Variants in CLEC4A observed in about 807,000 individuals in gnomAD.
CLEC4A encodes the protein C-type (calcium dependent, carbohydrate-recognition domain) lectin, superfamily member 6.
Under a neutral mutation model 32.7 loss-of-function variants are expected in CLEC4A, and 27 were observed. The ratio of observed to expected loss-of-function variants is 0.83; its 90% CI spans 0.61 to 1.14. The LOEUF (loss-of-function observed/expected upper bound fraction) is 1.14, where lower values mean the gene tolerates loss of function less well. Ranked by LOEUF, CLEC4A falls within the 50% of genes most tolerant of loss-of-function variation. CLEC4A has a pLI of 0.00. For missense variants in CLEC4A, 253 were observed against 274.6 expected (o/e 0.92, Z 0.55); for synonymous variants, 89 against 93.7 (o/e 0.95, Z 0.29).
the CLEC4A span, among the ~76,000 whole-genome samples, chr12:8,110,903 T>G: frequency 2.0e-4 from 31 of 151,928 alleles, no homozygotes; most frequent in African/African-American, 6.3e-4. Flanking sequence ...AGACGGAGTC[T>G]CGCTCTGTCG....
At chr12:8,128,721 G>C (rs901657042) in intron 2 of CLEC4A, among the ~76,000 whole-genome samples, 1 of 152,172 alleles carries the variant, frequency 6.6e-6, no homozygotes, top group African/African-American at 2.4e-5. Context: ...TAGAGGGAGA[G>C]GTGGGTTAGT....
At chr12:8,130,879 G>A (rs986196456) in intron 3 of CLEC4A, among the ~76,000 whole-genome samples, 1 of 152,034 alleles carries the variant, frequency 6.6e-6, no homozygotes, top group African/African-American at 2.4e-5. Context: ...GGTTTCCTTA[G>A]TGTTCACCTC....
rs1373913419 is a variant in CLEC4A at position 8,134,992 on chromosome 12, TTTTA to T, written c.299-592_299-589del. 2.2e-3 allele frequency: 587 copies of T among 267,946 alleles called. 26 individuals are homozygous for T. Among genetic ancestry groups the T allele is most frequent in the Non-Finnish European group, 2.7e-3 (456 of 167,140 alleles). The allele number at this position is 267,946 out of a possible 1,614,324, so 16.6% of individuals were successfully genotyped here. On this transcript the variant is annotated intron_variant, in intron 3 of 5. Coordinates refer to ENST00000229332, the MANE Select transcript of CLEC4A (RefSeq NM_016184.4). Reference sequence around the variant, plus strand: ...TGAAGCGTTTTTGTTTTTTGTTTTTTTTTAATCATGGCTGCTTTTAAATCTTTGT... The same window carrying T: ...TGAAGCGTTTTTGTTTTTTGTTTTTTATCATGGCTGCTTTTAAATCTTTGT...
At chr12:8,107,404 A>C in the CLEC4A span, among the ~76,000 whole-genome samples, 1 of 152,138 alleles carries the variant, frequency 6.6e-6, no homozygotes, top group Admixed American at 6.5e-5. Flanking sequence ...GTTAGCGATG[A>C]GTCCTTCCTC....
chr12:8,111,176 AT>A, the CLEC4A span, among the ~76,000 whole-genome samples: 1 of 103,724 alleles, frequency 9.6e-6, no homozygotes, highest in Non-Finnish European at 1.9e-5. Context: ...CTGGCCCAAC[AT>A]CTTTTTTTTT....
At chr12:8,118,338 C>T in the CLEC4A span, among the ~76,000 whole-genome samples, 1 of 151,700 alleles carries the variant, frequency 6.6e-6, no homozygotes, top group African/African-American at 2.4e-5. Context: ...GAATGAATTA[C>T]TGATTGCTGT....
the CLEC4A span, among the ~76,000 whole-genome samples, chr12:8,115,969 T>G: frequency 4.0e-5 from 6 of 151,844 alleles, no homozygotes; most frequent in Non-Finnish European, 7.4e-5. Context: ...TTAATCTATA[T>G]ATATATTTTT....
chr12:8,138,076 C>CT, intron 5 of CLEC4A, 64 bp from the exon 6 acceptor site: 2 of 1,543,724 alleles, frequency 1.3e-6, no homozygotes, highest in Non-Finnish European at 1.8e-6. Context: ...CTCCTCACCC[C>CT]TGTCTCTAAC....
the CLEC4A span, among the ~76,000 whole-genome samples, chr12:8,110,644 T>C: frequency 6.6e-6 from 1 of 152,228 alleles, no homozygotes; most frequent in Non-Finnish European, 1.5e-5. Flanking sequence ...TCTCCCATTG[T>C]ATTGAAATTA....
At chr12:8,126,722 T>C (rs1407999814) in intron 2 of CLEC4A, among the ~76,000 whole-genome samples, 5 of 152,124 alleles carry the variant, frequency 3.3e-5, no homozygotes, top group Non-Finnish European at 7.3e-5. Flanking sequence ...GTATGGTAAG[T>C]GTTGTACAGT....
chr12:8,116,413 T>G, the CLEC4A span, among the ~76,000 whole-genome samples: 1 of 152,150 alleles, frequency 6.6e-6, no homozygotes, highest in Non-Finnish European at 1.5e-5. Context: ...TTAATAGGTA[T>G]ACATTAAGGG....
At chr12:8,107,254 A>G in the CLEC4A span, among the ~76,000 whole-genome samples, 2 of 152,062 alleles carry the variant, frequency 1.3e-5, no homozygotes, top group African/African-American at 2.4e-5. Flanking sequence ...TAACTTTTTG[A>G]TGTGCTACTG....
At chr12:8,117,529 G>A in the CLEC4A span, among the ~76,000 whole-genome samples, 16 of 151,894 alleles carry the variant, frequency 1.1e-4, no homozygotes, top group Admixed American at 3.3e-4. Context: ...GTGAGCCACC[G>A]CACCCAGCCT....
the CLEC4A span, among the ~76,000 whole-genome samples, chr12:8,111,923 ATGTGTGTGTG>A: frequency 2.1e-4 from 23 of 111,054 alleles, no homozygotes; most frequent in African/African-American, 6.7e-4. Context: ...GAGTGTGTAT[ATGTGTGTGTG>A]TGTGTGTGTG....
chr12:8,138,127 T>C lies in CLEC4A; in HGVS notation c.567-13T>C, dbSNP rs1227882779. 2.5e-6 allele frequency: 4 copies of C among 1,612,590 alleles called. No homozygotes were observed. In the Admixed American group the frequency reaches 6.7e-5, roughly 27 times the overall value. ...GTTTGAAGAAATGCCCTCATCCTTT[T>C]TGTCGCTTTCAGATTCTGGCATCCA... On this transcript the variant is annotated splice_polypyrimidine_tract_variant and intron_variant, in intron 5 of 5. Coordinates refer to ENST00000229332, the MANE Select transcript of CLEC4A (RefSeq NM_016184.4).
In CLEC4A at chr12:8,134,552, T is replaced by G. The variant is rs765857876; in HGVS notation, c.299-1033T>G. ...CATCGGAGTTGCTCTCCACCCCGACTCCTGCTTCGCCCTCAGGCTGAGAGG... is the reference window on the plus strand; with the variant it reads ...CATCGGAGTTGCTCTCCACCCCGACGCCTGCTTCGCCCTCAGGCTGAGAGG... On this transcript the variant is annotated intron_variant, in intron 3 of 5. Transcript: ENST00000229332. The G allele has an allele frequency of 9.3e-6, 15 of 1,613,552 alleles. No homozygotes were observed. The African/African-American group carries it at 1.9e-4, about 20-fold the overall frequency.
upstream of CLEC4A, among the ~76,000 whole-genome samples, chr12:8,119,026 A>C (rs1390994030): frequency 6.6e-6 from 1 of 152,170 alleles, no homozygotes; most frequent in Non-Finnish European, 1.5e-5. Flanking sequence ...AGAACTGAGA[A>C]AATAAATTTC....
upstream of CLEC4A, among the ~76,000 whole-genome samples, chr12:8,119,980 A>C (rs1252643794): frequency 5.9e-5 from 9 of 152,202 alleles, no homozygotes; most frequent in East Asian, 1.7e-3. Context: ...TTATTATAGC[A>C]AAAGGATACA....
intron 3 of CLEC4A, among the ~76,000 whole-genome samples, chr12:8,132,419 G>T (rs1374500880): frequency 6.6e-6 from 1 of 152,154 alleles, no homozygotes; most frequent in Non-Finnish European, 1.5e-5. Context: ...TTATTTAAAA[G>T]TGTGTTGTTT....
Sources: gnomAD v4.1 joint callset for allele counts (sites outside exome capture counted in the v4.1 genomes callset) on GRCh38, gnomAD v4.1.1 for gene constraint, MANE v1.5 for transcripts, NCBI Gene and HGNC (gene_info 2026-07-23, HGNC 2026-07-21) for gene names.